The following PCSK6 variants were observed in gnomAD, a reference collection of about 807,000 sequenced individuals.
The protein encoded by PCSK6 is paired basic amino acid cleaving enzyme 4.
A neutral mutation model predicts 123.3 loss-of-function variants in PCSK6; 85 were observed. The ratio of observed to expected loss-of-function variants is 0.69; its 90% CI spans 0.58 to 0.83. PCSK6 has a LOEUF of 0.83. PCSK6 is among the 40% of genes least tolerant of loss of function. The pLI is 0.00. For synonymous variants in PCSK6, 508 were observed against 516.0 expected, an observed-to-expected ratio of 0.98 and a Z score of 0.21; for missense variants, 1,191 against 1,282.3, an observed-to-expected ratio of 0.93 and a Z score of 1.09.
At chr15:101,463,140 T>C (rs907449536) in intron 1 of PCSK6, 6 of 457,224 alleles carry the variant, frequency 1.3e-5, no homozygotes, top group African/African-American at 1.0e-4. Flanking sequence ...AATGACTCTT[T>C]GACTCAGGAA....
At chr15:101,449,897 G>A (rs1345231654) in intron 1 of PCSK6, among the ~76,000 whole-genome samples, 6 of 152,080 alleles carry the variant, frequency 3.9e-5, no homozygotes, top group Non-Finnish European at 8.8e-5. Flanking sequence ...TCCCAAGCAC[G>A]TGGCCCCATA....
chr15:101,455,664 A>G (rs2057159974), intron 1 of PCSK6, among the ~76,000 whole-genome samples: 1 of 152,240 alleles, frequency 6.6e-6, no homozygotes, highest in African/African-American at 2.4e-5. Context: ...ATGAAGATAC[A>G]GAAAGCTTTC....
At chr15:101,438,849 G>A (rs1379923060) in intron 2 of PCSK6, among the ~76,000 whole-genome samples, 1 of 152,244 alleles carries the variant, frequency 6.6e-6, no homozygotes, top group East Asian at 1.9e-4. Flanking sequence ...CGCAGCCTCT[G>A]AGCAGGCTTC....
rs754293880 is a variant in PCSK6 at position 101,370,453 on chromosome 15, G to A, written c.1603C>T (p.Arg535Trp). 25 of 1,550,674 alleles carry A rather than the reference G, an allele frequency of 1.6e-5. No individual in the cohort carries two copies. In the African/African-American group the frequency reaches 2.5e-4, roughly 15 times the overall value. The change falls in exon 12 of 22, where the codon CGG becomes TGG. Residue 535 changes from arginine (R) to tryptophan (W), a missense_variant. Around this residue, in one of 3 missense-constraint regions of PCSK6, gnomAD observed 630 missense variants for 631.4 expected, o/e 1.00. Transcript: ENST00000611716. ...TSACAEHSDQ[R>W]VVYLEHVVVR... ...ACCACGTGCTCCAAGTAGACCACCCGCTGGTCCGAGTGCTCCGCGCAGGCG... is the reference window on the plus strand; with the variant it reads ...ACCACGTGCTCCAAGTAGACCACCCACTGGTCCGAGTGCTCCGCGCAGGCG...
chr15:101,442,530 C>A (rs944391913), intron 2 of PCSK6, among the ~76,000 whole-genome samples: 1 of 152,082 alleles, frequency 6.6e-6, no homozygotes, highest in African/African-American at 2.4e-5. Context: ...CCAACAGATC[C>A]CTGCTCAGTC....
intron 19 of PCSK6, 41 bp downstream of exon 19, chr15:101,318,278 G>A (rs567471039): frequency 7.7e-6 from 11 of 1,419,826 alleles, no homozygotes; most frequent in Non-Finnish European, 1.1e-5. Context: ...GCCTACGCTT[G>A]GGTGACGCTG....
At chr15:101,387,760 G>A (rs1273054763) in intron 9 of PCSK6, among the ~76,000 whole-genome samples, 1 of 24,534 alleles carries the variant, frequency 4.1e-5, no homozygotes, top group Non-Finnish European at 1.6e-4. Context: ...CTTTGCCCCA[G>A]TTCCTTCCAC....
chr15:101,475,608 C>A (rs1286627087), intron 1 of PCSK6, among the ~76,000 whole-genome samples: 1 of 152,034 alleles, frequency 6.6e-6, no homozygotes, highest in Non-Finnish European at 1.5e-5. Context: ...ACCTCATCCT[C>A]CCCAGTAGCT....
intron 13 of PCSK6, among the ~76,000 whole-genome samples, chr15:101,352,145 T>C (rs2040908214): frequency 7.2e-6 from 1 of 139,552 alleles, no homozygotes; most frequent in Non-Finnish European, 1.6e-5. Context: ...TAATTTTTTT[T>C]TTTTTTTTTT....
At chr15:101,421,703 A>G (rs1332405697) in intron 6 of PCSK6, among the ~76,000 whole-genome samples, 3 of 152,232 alleles carry the variant, frequency 2.0e-5, no homozygotes, top group Non-Finnish European at 4.4e-5. Flanking sequence ...TTCAGACTAC[A>G]ATCACAGCCA....
intron 1 of PCSK6, among the ~76,000 whole-genome samples, chr15:101,474,462 A>C (rs2057679651): frequency 6.6e-6 from 1 of 152,202 alleles, no homozygotes. Flanking sequence ...TTTATAACTT[A>C]GCACCTCGTC....
At chr15:101,344,845 G>A (rs1224620511) in intron 13 of PCSK6, among the ~76,000 whole-genome samples, 2 of 152,088 alleles carry the variant, frequency 1.3e-5, no homozygotes, top group Admixed American at 6.5e-5. Context: ...TAGTAGAGAC[G>A]AGGTTTCACC....
At chr15:101,447,697 T>C (rs957242371) in intron 1 of PCSK6, among the ~76,000 whole-genome samples, 3 of 152,256 alleles carry the variant, frequency 2.0e-5, no homozygotes, top group Non-Finnish European at 4.4e-5. Context: ...TTTGCCCTGA[T>C]GGCAGGTGTT....
chr15:101,465,797 T>G (rs192103814), intron 1 of PCSK6, among the ~76,000 whole-genome samples: 12 of 152,228 alleles, frequency 7.9e-5, no homozygotes, highest in Non-Finnish European at 1.5e-4. Context: ...TTGTAATCTT[T>G]AAGGAAACCA....
intron 1 of PCSK6, among the ~76,000 whole-genome samples, chr15:101,475,447 A>G (rs1020076720): frequency 1.8e-4 from 28 of 152,328 alleles, no homozygotes; most frequent in African/African-American, 6.7e-4. Flanking sequence ...AATTCAGAGA[A>G]GGATTAAAAT....
chr15:101,362,390 G>A (rs1374502876), intron 13 of PCSK6, among the ~76,000 whole-genome samples: 1 of 152,210 alleles, frequency 6.6e-6, no homozygotes, highest in Non-Finnish European at 1.5e-5. Flanking sequence ...GGTGCAAGAG[G>A]GCAGGGAGAG....
intron 12 of PCSK6, among the ~76,000 whole-genome samples, chr15:101,368,777 C>A (rs1370826937): frequency 6.6e-6 from 1 of 152,210 alleles, no homozygotes; most frequent in African/African-American, 2.4e-5. Flanking sequence ...TGCTCAGCTC[C>A]GGCCCAGTGC....
intron 13 of PCSK6, among the ~76,000 whole-genome samples, chr15:101,337,812 A>G (rs909101095): frequency 6.6e-6 from 1 of 152,210 alleles, no homozygotes; most frequent in Non-Finnish European, 1.5e-5. Flanking sequence ...GAATGAATGA[A>G]TCTGTTAAAA....
At chr15:101,484,131 T>G (rs1175977418) in intron 1 of PCSK6, among the ~76,000 whole-genome samples, 1 of 152,210 alleles carries the variant, frequency 6.6e-6, no homozygotes, top group Non-Finnish European at 1.5e-5. Flanking sequence ...AGAAAAAAAG[T>G]ACAAAATGTC....
Sources: gnomAD v4.1 joint callset for allele counts (sites outside exome capture counted in the v4.1 genomes callset) on GRCh38, gnomAD v4.1.1 for gene constraint, gnomAD v4.1.1 regional missense constraint, MANE v1.5 for transcripts, NCBI Gene and HGNC (gene_info 2026-07-23, HGNC 2026-07-21) for gene names.